Variants in MYO1D observed in about 807,000 individuals in gnomAD.
MYO1D encodes the protein myosin ID, also known as unconventional myosin-Id.
A neutral mutation model predicts 122.0 loss-of-function variants in MYO1D; 83 were observed. The observed-to-expected ratio is 0.68, with a 90% CI of 0.57 to 0.82. MYO1D has a LOEUF of 0.82. Ranked by LOEUF, MYO1D falls within the 40% of genes least tolerant of loss-of-function variation. The probability of loss-of-function intolerance (pLI) is 0.00; values close to 1 mark genes in which losing one functional copy is unlikely to be tolerated. For missense variants in MYO1D, 1,157 were observed against 1,269.5 expected, an observed-to-expected ratio of 0.91 and a Z score of 1.35; for synonymous variants, 464 against 446.9, an observed-to-expected ratio of 1.04 and a Z score of -0.48.
chr17:32,669,257 G>A (rs1354745359), intron 16 of MYO1D, among the ~76,000 whole-genome samples: 1 of 152,102 alleles, frequency 6.6e-6, no homozygotes, highest in African/African-American at 2.4e-5. Context: ...CCCTCTCCTT[G>A]TACTAGGAAG....
At chr17:32,585,567 T>C (rs779356466) in intron 21 of MYO1D, among the ~76,000 whole-genome samples, 1 of 151,948 alleles carries the variant, frequency 6.6e-6, no homozygotes, top group Non-Finnish European at 1.5e-5. Flanking sequence ...TTGTCTCTCC[T>C]AAAAATACAA....
chr17:32,659,375 A>G (rs2088525321), intron 16 of MYO1D, 37 bp from the exon 17 acceptor site: 1 of 1,599,810 alleles, frequency 6.3e-7, no homozygotes, highest in Admixed American at 1.7e-5. Flanking sequence ...AACGTTATTG[A>G]CCGGCTGAGT....
rs368077916 is a variant in MYO1D at position 32,771,247 on chromosome 17, T to C, written c.619-27A>G. The C allele has an allele frequency of 8.5e-6, 13 of 1,526,096 alleles. No individual in the cohort carries two copies. The African/African-American group carries it at 1.5e-4, about 18-fold the overall frequency. The allele number at this position is 1,526,096 out of a possible 1,614,324, so 94.5% of individuals were successfully genotyped here. ...TGAAAAATATTTAATTAGAAATAAATTGGCCAGACATACATTGAACCAAAC... is the reference window on the plus strand; with the variant it reads ...TGAAAAATATTTAATTAGAAATAAACTGGCCAGACATACATTGAACCAAAC... On this transcript the variant is annotated intron_variant, in intron 5 of 21. Transcript: ENST00000318217.
chr17:32,516,739 C>T (rs1442073349), intron 21 of MYO1D, among the ~76,000 whole-genome samples: 2 of 152,234 alleles, frequency 1.3e-5, no homozygotes, highest in Non-Finnish European at 2.9e-5. Context: ...TGTGTGTTTA[C>T]AGCTTTAGTG....
intron 1 of MYO1D, among the ~76,000 whole-genome samples, chr17:32,826,514 G>A (rs1268165646): frequency 6.6e-6 from 1 of 152,154 alleles, no homozygotes; most frequent in Non-Finnish European, 1.5e-5. Context: ...GTAGAAAAAT[G>A]TGCATCCCTT....
At chr17:32,641,462 C>T (rs967418289) in intron 19 of MYO1D, among the ~76,000 whole-genome samples, 12 of 152,260 alleles carry the variant, frequency 7.9e-5, no homozygotes, top group Admixed American at 5.9e-4. Flanking sequence ...AATGGGATGG[C>T]TGGGTCAAAT....
chr17:32,630,876 A>G (rs928392682), intron 20 of MYO1D, among the ~76,000 whole-genome samples: 9 of 152,256 alleles, frequency 5.9e-5, no homozygotes, highest in African/African-American at 1.9e-4. Flanking sequence ...CCCTGCCGGT[A>G]GAGTTGTTCT....
intron 1 of MYO1D, among the ~76,000 whole-genome samples, chr17:32,849,595 T>C (rs557451359): frequency 2.0e-5 from 3 of 150,398 alleles, no homozygotes; most frequent in East Asian, 3.9e-4. Flanking sequence ...TATTCTCACA[T>C]AGGTGGGAAT....
At chr17:32,826,806 T>C (rs1001668051) in intron 1 of MYO1D, among the ~76,000 whole-genome samples, 2 of 152,120 alleles carry the variant, frequency 1.3e-5, no homozygotes, top group African/African-American at 2.4e-5. Context: ...TCATACTGTT[T>C]CATAATTTCC....
chr17:32,520,777 C>T lies in MYO1D; in HGVS notation c.2865-25862G>A, dbSNP rs368303928. 3.3e-5 allele frequency among the ~76,000 whole-genome samples: 5 copies of T among 152,330 alleles called. No individual in the cohort carries two copies. The South Asian group carries it at 8.3e-4, about 25-fold the overall frequency. ...GTTATCCTAGAAGCCACTGTGGTAT[C>T]CCAGGGCCTTGACACAGCCACTGAC... is the stretch of plus-strand genomic sequence containing the variant. On this transcript the variant is annotated intron_variant, in intron 21 of 21. Coordinates refer to ENST00000318217, the MANE Select transcript of MYO1D (RefSeq NM_015194.3).
chr17:32,832,044 C>T (rs1162485851), intron 1 of MYO1D, among the ~76,000 whole-genome samples: 1 of 152,144 alleles, frequency 6.6e-6, no homozygotes, highest in African/African-American at 2.4e-5. Flanking sequence ...GTCATGTATA[C>T]ACTAGATCTT....
chr17:32,711,744 TA>T (rs2089379442), intron 16 of MYO1D, among the ~76,000 whole-genome samples: 1 of 152,162 alleles, frequency 6.6e-6, no homozygotes, highest in African/African-American at 2.4e-5. Context: ...TCTCCAACTT[TA>T]AAAACAAAAT....
intron 21 of MYO1D, among the ~76,000 whole-genome samples, chr17:32,527,039 C>T (rs2150870917): frequency 6.6e-6 from 1 of 152,366 alleles, no homozygotes; most frequent in African/African-American, 2.4e-5. Flanking sequence ...CAATTATCAG[C>T]CATCCCATAC....
intron 16 of MYO1D, among the ~76,000 whole-genome samples, chr17:32,682,794 C>T (rs2088941008): frequency 8.4e-6 from 1 of 119,718 alleles, no homozygotes; most frequent in African/African-American, 3.5e-5. Flanking sequence ...GAACGTTGGC[C>T]TGCCTTGCTA....
At chr17:32,832,725 A>C (rs1202103090) in intron 1 of MYO1D, among the ~76,000 whole-genome samples, 2 of 152,346 alleles carry the variant, frequency 1.3e-5, no homozygotes, top group South Asian at 2.1e-4. Flanking sequence ...GGCGAATTTC[A>C]CCAATTTTAT....
chr17:32,551,405 G>A (rs2087013968), intron 21 of MYO1D, among the ~76,000 whole-genome samples: 2 of 152,184 alleles, frequency 1.3e-5, no homozygotes, highest in Admixed American at 1.3e-4. Context: ...ACTTGGCCAT[G>A]TCTTTTTCTG....
In MYO1D at chr17:32,494,582, A is replaced by T; in HGVS notation, c.*177T>A. ...TGAACAGGGACCGTGGACAGTAAGG[A>T]CAGAGGAAGATGATACCAAAGGCAG... is the stretch of plus-strand genomic sequence containing the variant. On this transcript the variant is annotated 3_prime_UTR_variant, in exon 22 of 22. Transcript: ENST00000318217. 3 of 766,084 alleles carry T rather than the reference A, an allele frequency of 3.9e-6. No homozygotes were observed. Among genetic ancestry groups the T allele is most frequent in the Non-Finnish European group, 2.0e-6 (1 of 489,004 alleles). The allele number at this position is 766,084 out of a possible 1,614,324, so 47.5% of individuals were successfully genotyped here.
At chr17:32,795,589 T>C (rs950864606) in intron 1 of MYO1D, among the ~76,000 whole-genome samples, 1 of 152,162 alleles carries the variant, frequency 6.6e-6, no homozygotes, top group Non-Finnish European at 1.5e-5. Context: ...TGTCAGCACA[T>C]GAATAAATCA....
At chr17:32,633,780 G>A (rs2088056780) in intron 20 of MYO1D, among the ~76,000 whole-genome samples, 1 of 151,722 alleles carries the variant, frequency 6.6e-6, no homozygotes, top group Admixed American at 6.6e-5. Flanking sequence ...CCAAGTACAC[G>A]TACGGTTCAT....
Sources: allele counts gnomAD v4.1 joint callset (sites outside exome capture counted in the v4.1 genomes callset), GRCh38; gene constraint gnomAD v4.1.1; transcripts MANE v1.5; gene names NCBI Gene and HGNC (gene_info 2026-07-23, HGNC 2026-07-21).